Variants in VIRMA observed in about 807,000 individuals in gnomAD.
The protein encoded by VIRMA is protein virilizer homolog.
Under a neutral mutation model 182.4 loss-of-function variants are expected in VIRMA, and 65 were observed. The observed-to-expected ratio is 0.36, with a 90% CI of 0.29 to 0.44. The LOEUF is 0.44. Ranked by LOEUF, VIRMA falls within the 20% of genes least tolerant of loss-of-function variation. VIRMA has a pLI of 1.00. For synonymous variants in VIRMA, 709 were observed against 743.1 expected, an observed-to-expected ratio of 0.95 and a Z score of 0.75; for missense variants, 1,752 against 2,158.1, an observed-to-expected ratio of 0.81 and a Z score of 3.73.
rs1049325982 is a variant in VIRMA, at chr8:94,503,078, A to C, written c.4097+3422T>G. 2.0e-5 allele frequency among the ~76,000 whole-genome samples: 3 copies of C among 152,134 alleles called. No homozygotes were observed. The East Asian group carries it at 5.8e-4, about 29-fold the overall frequency. Reference sequence around the variant, plus strand: ...AACTCTTCCTTATGGAAGGAAAATTAGTAAGTAAAAAGGAATGAAGGGAAT... The same window carrying C: ...AACTCTTCCTTATGGAAGGAAAATTCGTAAGTAAAAAGGAATGAAGGGAAT... On this transcript the variant is annotated intron_variant, in intron 16 of 23. Transcript: ENST00000297591.
intron 1 of VIRMA, among the ~76,000 whole-genome samples, chr8:94,547,886 C>A (rs1361477329): frequency 1.4e-5 from 2 of 146,526 alleles, no homozygotes; most frequent in Non-Finnish European, 3.0e-5. Context: ...AAAAAAAAAA[C>A]TTTAAAAACT....
intron 10 of VIRMA, among the ~76,000 whole-genome samples, chr8:94,516,401 C>T (rs1284352488): frequency 6.6e-6 from 1 of 152,152 alleles, no homozygotes; most frequent in Non-Finnish European, 1.5e-5. Flanking sequence ...CTGCCATTTA[C>T]TGCAAACAAA....
chr8:94,490,897 G>A (rs1586058240), intron 22 of VIRMA, among the ~76,000 whole-genome samples: 1 of 151,716 alleles, frequency 6.6e-6, no homozygotes, highest in African/African-American at 2.4e-5. Context: ...TATAACATTA[G>A]AAAACAAGCA....
Position 94,512,092 on chromosome 8 carries a change from T to C in VIRMA, c.2752-3A>G. 6.9e-7 allele frequency: 1 copy of C among 1,440,812 alleles called. No individual in the cohort carries two copies. The highest frequency in any genetic ancestry group is 9.2e-7 in the Non-Finnish European group (1 of 1,086,912). 89.3% of individuals were successfully genotyped at this position (1,440,812 alleles called of 1,614,324 possible). A position where few individuals can be genotyped will look rare whatever the true frequency, so the allele number is the denominator to read the frequency against. On this transcript the variant is annotated splice_polypyrimidine_tract_variant and splice_region_variant and intron_variant, in intron 11 of 23. Coordinates refer to ENST00000297591, the MANE Select transcript of VIRMA (RefSeq NM_015496.5). ...GGGGTCATCAAGTTATCGATATTCT[T>C]TAAAAATGAAAATGAACAGAATATT... is the stretch of plus-strand genomic sequence containing the variant.
chr8:94,552,214 C>A (rs1289268383), intron 1 of VIRMA, among the ~76,000 whole-genome samples: 1 of 152,238 alleles, frequency 6.6e-6, no homozygotes, highest in Non-Finnish European at 1.5e-5. Context: ...CAAAGTTCTC[C>A]AACTTTTGAC....
In VIRMA at chr8:94,535,340, C is replaced by T. The variant is rs546125592; in HGVS notation, c.316-333G>A. 5.9e-5 allele frequency among the ~76,000 whole-genome samples: 9 copies of T among 152,158 alleles called. No homozygotes were observed. In the South Asian group the frequency reaches 1.9e-3, roughly 32 times the overall value. On this transcript the variant is annotated intron_variant, in intron 4 of 23. Transcript: ENST00000297591. ...TTATTGCTAATTAATAAATTAAACC[C>T]CAATAGGTACAGGGGTCGTAGAAGG...
chr8:94,524,461 C>T (rs555753617), intron 8 of VIRMA, among the ~76,000 whole-genome samples: 1 of 152,114 alleles, frequency 6.6e-6, no homozygotes, highest in African/African-American at 2.4e-5. Flanking sequence ...CCCACCACCA[C>T]ACCCGACTAA....
chr8:94,516,202 CA>C (rs1025034175), intron 10 of VIRMA, among the ~76,000 whole-genome samples: 2 of 151,974 alleles, frequency 1.3e-5, no homozygotes, highest in Non-Finnish European at 2.9e-5. Flanking sequence ...CACACCCACC[CA>C]AAAAAAGTAT....
In VIRMA at chr8:94,492,826, CATA is replaced by C; in HGVS notation, c.4642-11_4642-9del. On this transcript the variant is annotated splice_polypyrimidine_tract_variant and intron_variant, in intron 20 of 23. Transcript: ENST00000297591. ...AATTAAGTCAACCTTTACCTGCAGT[CATA>C]ATAATGAAACAAAACACATATTAAA... The C allele has an allele frequency of 6.2e-7, 1 of 1,602,154 alleles. No homozygotes were observed. Among genetic ancestry groups the C allele is most frequent in the Non-Finnish European group, 8.5e-7 (1 of 1,172,202 alleles).
chr8:94,512,080 T>C lies in VIRMA; in HGVS notation c.2761A>G (p.Asn921Asp). Residue 921 changes from asparagine (N) to aspartate (D), a missense_variant, in exon 12 of 24, where the codon AAC becomes GAC. Transcript: ENST00000297591. ...CCAACTCCTTCTGGGGTCATCAAGT[T>C]ATCGATATTCTTTAAAAATGAAAAT... ...LIEYVKQNIDNLMTPEGVGLT... is the reference protein window; with the variant it reads ...LIEYVKQNIDDLMTPEGVGLT... The C allele has an allele frequency of 6.8e-7, 1 of 1,479,524 alleles. No individual in the cohort carries two copies. 91.6% of individuals were successfully genotyped at this position (1,479,524 alleles called of 1,614,324 possible).
chr8:94,549,796 A>G (rs999396654), intron 1 of VIRMA, among the ~76,000 whole-genome samples: 1 of 152,118 alleles, frequency 6.6e-6, no homozygotes, highest in Non-Finnish European at 1.5e-5. Context: ...GTAGATGACT[A>G]CCTTTGAAAA....
chr8:94,551,223 G>T (rs1479645659), intron 1 of VIRMA, among the ~76,000 whole-genome samples: 1 of 152,306 alleles, frequency 6.6e-6, no homozygotes, highest in Middle Eastern at 3.4e-3. Flanking sequence ...ACACCTTGAT[G>T]AAGTCTTTCC....
At position 94,519,388 on chromosome 8, in the gene VIRMA, T is replaced by C. The variant is rs1458327816; in HGVS notation, c.2110A>G (p.Thr704Ala). The change falls in exon 9 of 24, where the codon ACA becomes GCA. Residue 704 changes from threonine (T) to alanine (A), a missense_variant. This residue lies in a region of VIRMA where 401 missense variants were observed against 455.1 expected (regional missense o/e 0.88). Coordinates refer to ENST00000297591, the MANE Select transcript of VIRMA (RefSeq NM_015496.5). ...GCAAGAAACTTCAAAACATCTTTTG[T>C]GGCTTGCAGCACACCAGGGTGAGCA... is the stretch of plus-strand genomic sequence containing the variant. ...TSAHPGVLQATKDVLKFLAQS... is the reference protein window; with the variant it reads ...TSAHPGVLQAAKDVLKFLAQS... 2 of 1,563,862 alleles carry C rather than the reference T, an allele frequency of 1.3e-6. No individual in the cohort carries two copies. Among genetic ancestry groups the C allele is most frequent in the Admixed American group, 2.0e-5 (1 of 51,148 alleles).
intron 15 of VIRMA, among the ~76,000 whole-genome samples, chr8:94,507,973 ATATG>A (rs1459598060): frequency 4.2e-5 from 6 of 141,692 alleles, no homozygotes; most frequent in African/African-American, 1.8e-4. Context: ...ATATGTGTAT[ATATG>A]TATATATGTG....
chr8:94,551,483 C>A (rs951421322), intron 1 of VIRMA, among the ~76,000 whole-genome samples: 1 of 152,158 alleles, frequency 6.6e-6, no homozygotes, highest in East Asian at 1.9e-4. Flanking sequence ...TTCAATATTT[C>A]GTATCACCCA....
intron 3 of VIRMA, among the ~76,000 whole-genome samples, chr8:94,537,773 AG>A (rs1815391740): frequency 6.6e-6 from 1 of 152,156 alleles, no homozygotes; most frequent in South Asian, 2.1e-4. Context: ...TCACAACAAC[AG>A]GTTTAATAAT....
chr8:94,546,066 A>G (rs28662068), intron 1 of VIRMA, among the ~76,000 whole-genome samples: 6,103 of 151,054 alleles, frequency 0.04, 231 homozygotes, highest in Middle Eastern at 0.051. Context: ...AAAAAAAAAA[A>G]GGGAAAGAAA....
At position 94,553,434 on chromosome 8, in the gene VIRMA, G is replaced by A. The variant is rs750226620; in HGVS notation, c.14C>T (p.Ser5Leu). The part of the protein sequence containing the change: MAVD[S>L]AMELLFLDTF... ...ATCTAAAAATAACAGCTCCATCGCC[G>A]AGTCCACCGCCATGTTTGCCGCGGG... is the stretch of plus-strand genomic sequence containing the variant. Residue 5 changes from serine to leucine, a missense_variant, in exon 1 of 24, where the codon TCG (serine) becomes TTG (leucine). Transcript: ENST00000297591. 5 of 1,614,200 alleles carry A rather than the reference G, an allele frequency of 3.1e-6. No homozygotes were observed. Among genetic ancestry groups the A allele is most frequent in the Non-Finnish European group, 4.2e-6 (5 of 1,180,040 alleles).
chr8:94,538,723 T>G (rs1003501298), intron 2 of VIRMA, among the ~76,000 whole-genome samples: 4 of 152,162 alleles, frequency 2.6e-5, no homozygotes, highest in Non-Finnish European at 5.9e-5. Flanking sequence ...GTGACTCTCC[T>G]GCCTCAGCTT....
Sources: allele counts gnomAD v4.1 joint callset (sites outside exome capture counted in the v4.1 genomes callset), GRCh38; gene constraint gnomAD v4.1.1; regional missense constraint gnomAD v4.1.1; transcripts MANE v1.5; gene names NCBI Gene and HGNC (gene_info 2026-07-23, HGNC 2026-07-21).